The following SLC50A1 variants were observed in gnomAD, a reference collection of about 807,000 sequenced individuals.
SLC50A1 encodes the protein sugar transporter SWEET1.
A neutral mutation model predicts 28.9 loss-of-function variants in SLC50A1; 22 were observed. The observed-to-expected ratio is 0.76, with a 90% CI of 0.54 to 1.09. SLC50A1 has a LOEUF of 1.09. Ranked by LOEUF, SLC50A1 falls within the 50% of genes least tolerant of loss-of-function variation. The probability of loss-of-function intolerance (pLI) is 0.00; values close to 1 mark genes in which losing one functional copy is unlikely to be tolerated. For missense variants in SLC50A1, 233 were observed against 273.4 expected, an observed-to-expected ratio of 0.85 and a Z score of 1.04; for synonymous variants, 96 against 110.6, an observed-to-expected ratio of 0.87 and a Z score of 0.83.
rs187093943 is a variant in SLC50A1 at position 155,138,688 on chromosome 1, A to G, written c.*407A>G. On this transcript the variant is annotated 3_prime_UTR_variant, in exon 6 of 6. Transcript: ENST00000368404. ...AAAAATACAAAATTAGCCAGGCATGATGGCACATGCCTGTAATCCCAGATA... is the reference window on the plus strand; with the variant it reads ...AAAAATACAAAATTAGCCAGGCATGGTGGCACATGCCTGTAATCCCAGATA... 3.8e-3 allele frequency: 731 copies of G among 194,910 alleles called. 9 individuals are homozygous for G. Among genetic ancestry groups the G allele is most frequent in the African/African-American group, 0.016 (678 of 42,484 alleles). 12.1% of individuals were successfully genotyped at this position (194,910 alleles called of 1,614,324 possible). A position where few individuals can be genotyped will look rare whatever the true frequency, so the allele number is the denominator to read the frequency against.
chr1:155,136,372 G>C lies in SLC50A1; in HGVS notation c.154G>C (p.Val52Leu), dbSNP rs139399585. 5.3e-5 allele frequency: 86 copies of C among 1,611,996 alleles called. No individual in the cohort carries two copies. The African/African-American group carries it at 9.5e-4, about 18-fold the overall frequency. ...VQFLPFLTTE[V>L]NNLGWLSYGA... is the part of the protein sequence containing the mutation. ...GTTCCTGCCCTTTCTCACCACGGAA[G>C]TCAAGTGAGGGGCCGACGGCTGCGG... is the stretch of plus-strand genomic sequence containing the variant. The change falls in exon 2 of 6, where the codon GTC (valine) becomes CTC (leucine). Residue 52 changes from valine (V) to leucine (L), a missense_variant. Coordinates refer to ENST00000368404, the MANE Select transcript of SLC50A1 (RefSeq NM_018845.4).
At position 155,137,642 on chromosome 1, in the gene SLC50A1, C is replaced by A; in HGVS notation, c.364C>A (p.Pro122Thr). Residue 122 changes from proline to threonine, a missense_variant, in exon 4 of 6, where the codon CCT (proline) becomes ACT (threonine). By Grantham distance (38) the Pro-to-Thr change is conservative. Transcript: ENST00000368404. ...CTACTTTTGGCTCCTGGTACCCAAC[C>A]CTGAGGCCCGGCTTCAGCAGTTGGG... ...YGYFWLLVPNPEARLQQLGLF... is the reference protein window; with the variant it reads ...YGYFWLLVPNTEARLQQLGLF... The A allele has an allele frequency of 6.2e-7, 1 of 1,614,192 alleles. No homozygotes were observed. The highest frequency in any genetic ancestry group is 8.5e-7 in the Non-Finnish European group (1 of 1,180,030).
intron 1 of SLC50A1, 26 bp from the exon 2 acceptor site, chr1:155,136,273 C>G (rs1664459118): frequency 1.3e-6 from 2 of 1,495,078 alleles, no homozygotes; most frequent in African/African-American, 1.4e-5. Context: ...CCCACCCCCA[C>G]CCCTCCCTTC....
At chr1:155,137,433 A>ACAGTG in intron 3 of SLC50A1, 128 bp from the exon 4 acceptor site, 1 of 1,078,912 alleles carries the variant, frequency 9.3e-7, no homozygotes, top group Non-Finnish European at 1.3e-6. Context: ...AGAAGCTGTG[A>ACAGTG]CAGTGCAGTG....
intron 4 of SLC50A1, 106 bp downstream of exon 4, chr1:155,137,828 A>C: frequency 6.3e-7 from 1 of 1,580,254 alleles, no homozygotes; most frequent in African/African-American, 1.3e-5. Flanking sequence ...CCCTGGAAGA[A>C]GACAAGGCAG....
At position 155,138,343 on chromosome 1, in the gene SLC50A1, T is replaced by G; in HGVS notation, c.*62T>G. On this transcript the variant is annotated 3_prime_UTR_variant, in exon 6 of 6. Transcript: ENST00000368404. ...CCTGAACCAAAGAGACCTCCTTGTT[T>G]CAGCTGGGCCTGCTGTCCAGCTTCC... 6.6e-7 allele frequency: 1 copy of G among 1,524,796 alleles called. No individual in the cohort carries two copies. The highest frequency in any genetic ancestry group is 9.0e-7 in the Non-Finnish European group (1 of 1,110,294). 94.5% of individuals were successfully genotyped at this position (1,524,796 alleles called of 1,614,324 possible).
chr1:155,138,363 G>C lies in SLC50A1; in HGVS notation c.*82G>C, dbSNP rs1377736406. 5.2e-6 allele frequency: 7 copies of C among 1,334,526 alleles called. No individual in the cohort carries two copies. Among genetic ancestry groups the C allele is most frequent in the Non-Finnish European group, 7.4e-6 (7 of 946,004 alleles). 82.7% of individuals were successfully genotyped at this position (1,334,526 alleles called of 1,614,324 possible). A position where few individuals can be genotyped will look rare whatever the true frequency, so the allele number is the denominator to read the frequency against. ...TTGTTTCAGCTGGGCCTGCTGTCCAGCTTCCCAGGTGCAGTGGGTTGTGGG... is the reference window on the plus strand; with the variant it reads ...TTGTTTCAGCTGGGCCTGCTGTCCACCTTCCCAGGTGCAGTGGGTTGTGGG... On this transcript the variant is annotated 3_prime_UTR_variant, in exon 6 of 6. Coordinates refer to ENST00000368404, the MANE Select transcript of SLC50A1 (RefSeq NM_018845.4).
chr1:155,135,770 T>C, upstream of SLC50A1: 2 of 1,550,792 alleles, frequency 1.3e-6, no homozygotes, highest in South Asian at 2.4e-5. Flanking sequence ...TCGGCGCAGT[T>C]TCCGGAGGGA....
rs1664430400 is a variant in SLC50A1, at chr1:155,136,005, C to T, written c.80+14C>T. On this transcript the variant is annotated intron_variant, in intron 1 of 5. Coordinates refer to ENST00000368404, the MANE Select transcript of SLC50A1 (RefSeq NM_018845.4). Reference sequence around the variant, plus strand: ...CTCCGCCGGCCTGTGAGAGTGCGGCCGGGCTGGGTTGGGGAGGACTAGGCA... The same window carrying T: ...CTCCGCCGGCCTGTGAGAGTGCGGCTGGGCTGGGTTGGGGAGGACTAGGCA... 2 of 1,613,596 alleles carry T rather than the reference C, an allele frequency of 1.2e-6. No individual in the cohort carries two copies. The highest frequency in any genetic ancestry group is 1.7e-5 in the Admixed American group (1 of 59,974).
intron 2 of SLC50A1, 152 bp downstream of exon 2, chr1:155,136,528 G>C: frequency 1.3e-6 from 1 of 767,652 alleles, no homozygotes; most frequent in Non-Finnish European, 2.2e-6. Flanking sequence ...CGGATCACGA[G>C]GTCAGGAGAT....
intron 1 of SLC50A1, 89 bp from the exon 2 acceptor site, chr1:155,136,210 C>A: frequency 9.4e-7 from 1 of 1,062,620 alleles, no homozygotes; most frequent in Non-Finnish European, 1.4e-6. Flanking sequence ...TGCGGTGGTC[C>A]GGAAAGGATG....
chr1:155,135,375 G>A, upstream of SLC50A1: 1 of 512,802 alleles, frequency 2.0e-6, no homozygotes, highest in South Asian at 2.5e-5. Context: ...AAGGCTTGGT[G>A]ATTCCTGGTA....
At chr1:155,136,402 G>A in intron 2 of SLC50A1, 26 bp downstream of exon 2, 1 of 1,603,870 alleles carries the variant, frequency 6.2e-7, no homozygotes, top group Non-Finnish European at 8.5e-7. Flanking sequence ...CTGCGGTAGT[G>A]GGAAAGGCTA....
chr1:155,137,896 G>A, intron 4 of SLC50A1, 83 bp from the exon 5 acceptor site: 1 of 1,607,740 alleles, frequency 6.2e-7, no homozygotes, highest in Middle Eastern at 1.7e-4. Flanking sequence ...GAGGGTGTCT[G>A]ACCTTTTTCT....
Position 155,135,954 on chromosome 1 carries a change from T to C in SLC50A1, c.43T>C (p.Cys15Arg). 6.2e-7 allele frequency: 1 copy of C among 1,614,070 alleles called. No individual in the cohort carries two copies. Among genetic ancestry groups the C allele is most frequent in the Non-Finnish European group, 8.5e-7 (1 of 1,180,006 alleles). Residue 15 changes from cysteine (C) to arginine (R), a missense_variant, in exon 1 of 6, where the codon TGC (cysteine) becomes CGC (arginine). Transcript: ENST00000368404. ...TCTGGACTCGCTCATTTACGGAGCA[T>C]GCGTGGTCTTCACCCTTGGCATGTT... Reference protein sequence around the residue: ...GFLDSLIYGACVVFTLGMFSA... With the variant: ...GFLDSLIYGARVVFTLGMFSA...
At position 155,136,879 on chromosome 1, in the gene SLC50A1, C is replaced by T. The variant is rs145804328; in HGVS notation, c.210C>T (p.Ile70=). ...CTTTGAAGGGAGACGGGATCCTCAT[C>T]GTCGTCAACACAGTGGGTGCTGCGC... is the stretch of plus-strand genomic sequence containing the variant. ...YGALKGDGIL[I]VVNTVGAALQ... is the part of the protein sequence containing the mutation. Residue 70 remains isoleucine (I), a synonymous_variant, in exon 3 of 6, where the codon ATC becomes ATT. Transcript: ENST00000368404. 5 of 1,614,098 alleles carry T rather than the reference C, an allele frequency of 3.1e-6. No individual in the cohort carries two copies. The highest frequency in any genetic ancestry group is 1.7e-5 in the Admixed American group (1 of 59,996).
upstream of SLC50A1, chr1:155,135,666 C>G (rs752807547): frequency 2.3e-5 from 36 of 1,550,270 alleles, no homozygotes; most frequent in South Asian, 3.9e-4. Flanking sequence ...GGGGACTGAC[C>G]GGGACATGGA....
At chr1:155,136,999 G>C in intron 3 of SLC50A1, 48 bp downstream of exon 3, 2 of 1,598,068 alleles carry the variant, frequency 1.3e-6, no homozygotes, top group Non-Finnish European at 1.7e-6. Context: ...GCCCTGCCTT[G>C]CTGGCAGGGC....
chr1:155,136,411 T>C, intron 2 of SLC50A1, 35 bp downstream of exon 2: 2 of 1,583,650 alleles, frequency 1.3e-6, no homozygotes, highest in Non-Finnish European at 1.7e-6. Flanking sequence ...TGGGAAAGGC[T>C]ACCAGAGGGA....
Sources: gnomAD v4.1 joint callset for allele counts on GRCh38, gnomAD v4.1.1 for gene constraint, MANE v1.5 for transcripts, NCBI Gene and HGNC (gene_info 2026-07-23, HGNC 2026-07-21) for gene names.